Variants in STXBP5L observed in about 807,000 individuals in gnomAD.
STXBP5L encodes the protein syntaxin-binding protein 5-like.
In STXBP5L, 65 loss-of-function variants were observed where a neutral mutation model predicts 144.5. The ratio of observed to expected loss-of-function variants is 0.45; its 90% CI spans 0.37 to 0.55. The LOEUF is 0.55. Among genes scored for constraint, STXBP5L ranks in the 20% least tolerant of loss-of-function variants. The pLI is 0.00. For synonymous variants in STXBP5L, 505 were observed against 469.6 expected (o/e 1.08, Z -0.97); for missense variants, 1,298 against 1,405.5 (o/e 0.92, Z 1.22).
intron 17 of STXBP5L, among the ~76,000 whole-genome samples, chr3:121,258,662 C>T (rs531182988): frequency 1.3e-4 from 20 of 152,194 alleles, no homozygotes; most frequent in African/African-American, 4.6e-4. Flanking sequence ...ATGTTGAACT[C>T]TTACACTGGA....
At chr3:121,053,404 A>T (rs530124579) in intron 5 of STXBP5L, among the ~76,000 whole-genome samples, 139 of 152,332 alleles carry the variant, frequency 9.1e-4, no homozygotes, top group Middle Eastern at 3.4e-3. Context: ...ATATAGATCA[A>T]TGGAACAGAA....
chr3:121,097,130 G>T (rs777821586), intron 5 of STXBP5L, among the ~76,000 whole-genome samples: 1 of 152,180 alleles, frequency 6.6e-6, no homozygotes, highest in African/African-American at 2.4e-5. Flanking sequence ...TTTACTCTGT[G>T]AGCTTAAAAC....
At position 121,194,909 on chromosome 3, in the gene STXBP5L, C is replaced by CTTTTTTTT. The variant is rs10717806; in HGVS notation, c.878-10996_878-10989dup. ...TCTGAGATAGGTCCCTCTTTTCACT[C>CTTTTTTTT]TTTTTTTTTTTTTTTTTTTTTTTTT... is the stretch of plus-strand genomic sequence containing the variant. On this transcript the variant is annotated intron_variant, in intron 9 of 26. Coordinates refer to ENST00000471454, the MANE Select transcript of STXBP5L (RefSeq NM_001308330.2). Among the ~76,000 whole-genome samples, 50 of 68,492 alleles carry CTTTTTTTT rather than the reference C, an allele frequency of 7.3e-4. 1 individual carries two copies. Among genetic ancestry groups the CTTTTTTTT allele is most frequent in the Non-Finnish European group, 8.6e-4 (34 of 39,384 alleles). 44.9% of individuals were successfully genotyped at this position (68,492 alleles called of 152,430 possible).
chr3:121,028,465 G>T (rs1003988403), intron 3 of STXBP5L, among the ~76,000 whole-genome samples: 41 of 152,022 alleles, frequency 2.7e-4, no homozygotes, highest in African/African-American at 9.4e-4. Flanking sequence ...CATTGCAAGA[G>T]TCTTGTAGTG....
intron 9 of STXBP5L, among the ~76,000 whole-genome samples, chr3:121,193,958 A>T (rs1292009248): frequency 8.9e-6 from 1 of 112,518 alleles, no homozygotes; most frequent in Non-Finnish European, 1.8e-5. Flanking sequence ...GTACACTAGA[A>T]GTTAACATAT....
At chr3:120,986,972 G>A (rs1019100765) in intron 3 of STXBP5L, among the ~76,000 whole-genome samples, 1 of 151,922 alleles carries the variant, frequency 6.6e-6, no homozygotes, top group Non-Finnish European at 1.5e-5. Context: ...ACCAACATGT[G>A]TATAGTGGGA....
intron 22 of STXBP5L, among the ~76,000 whole-genome samples, chr3:121,398,313 G>A (rs1169412679): frequency 6.6e-6 from 1 of 152,226 alleles, no homozygotes; most frequent in African/African-American, 2.4e-5. Context: ...CTTTTGTGGG[G>A]GTTCCCCAGG....
chr3:121,038,117 T>G (rs1034086531), intron 3 of STXBP5L, among the ~76,000 whole-genome samples: 3 of 152,016 alleles, frequency 2.0e-5, no homozygotes, highest in Non-Finnish European at 4.4e-5. Flanking sequence ...TTTTTTAAAT[T>G]GTTGATCTGT....
At chr3:121,101,982 A>T (rs77300839) in intron 5 of STXBP5L, among the ~76,000 whole-genome samples, 15,059 of 152,078 alleles carry the variant, frequency 0.099, 1,175 homozygotes, top group Admixed American at 0.2. Flanking sequence ...CAAGCAAAAA[A>T]TACCTAGGAA....
At chr3:121,077,562 C>T (rs1442932815) in intron 5 of STXBP5L, among the ~76,000 whole-genome samples, 1 of 152,088 alleles carries the variant, frequency 6.6e-6, no homozygotes, top group Non-Finnish European at 1.5e-5. Context: ...ACAAAGCTTC[C>T]ACAGTGTGGA....
intron 19 of STXBP5L, among the ~76,000 whole-genome samples, chr3:121,306,605 T>A (rs781442269): frequency 6.6e-6 from 1 of 152,106 alleles, no homozygotes; most frequent in Non-Finnish European, 1.5e-5. Context: ...ACTAGCCTTA[T>A]ATGAAACAGT....
Position 121,114,801 on chromosome 3 carries a change from A to G in STXBP5L, c.471-124A>G, listed in dbSNP as rs558379942. On this transcript the variant is annotated intron_variant, in intron 5 of 26. Coordinates refer to ENST00000471454, the MANE Select transcript of STXBP5L (RefSeq NM_001308330.2). ...TACTCTCAATGAATAACTACATGCT[A>G]TACTTGAGTATATAGTACATTTTAT... The G allele has an allele frequency of 2.4e-4, 130 of 532,430 alleles. 1 individual carries two copies. The highest frequency in any genetic ancestry group is 2.7e-4 in the Non-Finnish European group (86 of 320,690). 33.0% of individuals were successfully genotyped at this position (532,430 alleles called of 1,614,324 possible). A position where few individuals can be genotyped will look rare whatever the true frequency, so the allele number is the denominator to read the frequency against.
intron 5 of STXBP5L, among the ~76,000 whole-genome samples, chr3:121,083,191 C>A (rs545614695): frequency 6.6e-6 from 1 of 151,950 alleles, no homozygotes; most frequent in African/African-American, 2.4e-5. Context: ...GAGCAAGACT[C>A]TGTCTCAAAA....
rs550292553 is a variant in STXBP5L at position 121,015,523 on chromosome 3, TG to T, written c.288-26174del. Among the ~76,000 whole-genome samples, 333 of 152,122 alleles carry T rather than the reference TG, an allele frequency of 2.2e-3. 1 individual carries two copies. Among genetic ancestry groups the T allele is most frequent in the Non-Finnish European group, 4.1e-3 (281 of 67,976 alleles). On this transcript the variant is annotated intron_variant, in intron 3 of 26. Transcript: ENST00000471454. ...CAAATAGTAACTTTTTTCAAATTGGTGGGTGCTGAATGTGGGACTAGCATGA... is the reference window on the plus strand; with the variant it reads ...CAAATAGTAACTTTTTTCAAATTGGTGGTGCTGAATGTGGGACTAGCATGA...
intron 19 of STXBP5L, among the ~76,000 whole-genome samples, chr3:121,308,137 A>C (rs1303948852): frequency 1.3e-5 from 2 of 152,236 alleles, no homozygotes; most frequent in Non-Finnish European, 2.9e-5. Context: ...ATCAGGATAA[A>C]TAACTAATGC....
chr3:120,989,792 A>G, intron 3 of STXBP5L, among the ~76,000 whole-genome samples: 1 of 152,074 alleles, frequency 6.6e-6, no homozygotes. Flanking sequence ...ATTTGTCACA[A>G]GTAATTTTTC....
chr3:121,402,731 T>C (rs990676123), intron 22 of STXBP5L, among the ~76,000 whole-genome samples: 10 of 152,176 alleles, frequency 6.6e-5, no homozygotes, highest in Admixed American at 1.3e-4. Context: ...TGCTGCTAGG[T>C]AATCATACTA....
In STXBP5L at chr3:121,222,985, A is replaced by C. The variant is rs141798334; in HGVS notation, c.957-18A>C. 2.7e-3 allele frequency: 4,256 copies of C among 1,584,394 alleles called. 9 individuals are homozygous for C. Among genetic ancestry groups the C allele is most frequent in the Non-Finnish European group, 3.3e-3 (3,831 of 1,169,428 alleles). ...TTTAAAGGACTTCTGAGTCTCATTCATGTTTTTTCCTATGTAGCGAACCAT... is the reference window on the plus strand; with the variant it reads ...TTTAAAGGACTTCTGAGTCTCATTCCTGTTTTTTCCTATGTAGCGAACCAT... On this transcript the variant is annotated intron_variant, in intron 10 of 26. Coordinates refer to ENST00000471454, the MANE Select transcript of STXBP5L (RefSeq NM_001308330.2).
chr3:120,991,436 A>T lies in STXBP5L; in HGVS notation c.287+36399A>T, dbSNP rs541053461. Among the ~76,000 whole-genome samples, 54 of 104,130 alleles carry T rather than the reference A, an allele frequency of 5.2e-4. 1 individual carries two copies. Among genetic ancestry groups the T allele is most frequent in the South Asian group, 1.8e-3 (6 of 3,308 alleles). The allele number at this position is 104,130 out of a possible 152,430, so 68.3% of individuals were successfully genotyped here. A position where few individuals can be genotyped will look rare whatever the true frequency, so the allele number is the denominator to read the frequency against. ...AAGTCAGTGTGGCGATTCCTCAGGGATCTAGAACTAGAAATACCATTTGAC... is the reference window on the plus strand; with the variant it reads ...AAGTCAGTGTGGCGATTCCTCAGGGTTCTAGAACTAGAAATACCATTTGAC... On this transcript the variant is annotated intron_variant, in intron 3 of 26. Coordinates refer to ENST00000471454, the MANE Select transcript of STXBP5L (RefSeq NM_001308330.2).
Sources: allele counts gnomAD v4.1 joint callset (sites outside exome capture counted in the v4.1 genomes callset), GRCh38; gene constraint gnomAD v4.1.1; transcripts MANE v1.5; gene names NCBI Gene and HGNC (gene_info 2026-07-23, HGNC 2026-07-21).